HECW2: variants seen among roughly 807,000 people sequenced by gnomAD.
HECW2 encodes the protein HECT, C2 and WW domain containing E3 ubiquitin protein ligase 2, also known as E3 ubiquitin-protein ligase HECW2.
A neutral mutation model predicts 175.2 loss-of-function variants in HECW2; 61 were observed. That is an observed-to-expected ratio of 0.35 (90% CI 0.28 to 0.43). The LOEUF is 0.43. Ranked by LOEUF, HECW2 falls within the 20% of genes least tolerant of loss-of-function variation. The pLI is 1.00. For missense variants in HECW2, 1,524 were observed against 2,000.5 expected, an observed-to-expected ratio of 0.76 and a Z score of 4.54; for synonymous variants, 671 against 731.0, an observed-to-expected ratio of 0.92 and a Z score of 1.32.
intron 21 of HECW2, chr2:196,238,798 AC>A (rs1475234472): frequency 6.6e-6 from 1 of 152,228 alleles, no homozygotes; most frequent in Non-Finnish European, 1.5e-5. Context: ...AGCCCCACTC[AC>A]CCTGGACCTC....
intron 1 of HECW2, among the ~76,000 whole-genome samples, chr2:196,566,557 A>T (rs1690195975): frequency 6.7e-6 from 1 of 150,226 alleles, no homozygotes; most frequent in Admixed American, 6.6e-5. Flanking sequence ...TTGAAATGGA[A>T]TCTCGTTCTT....
chr2:196,492,743 CAAGT>C (rs1169736933), intron 1 of HECW2, among the ~76,000 whole-genome samples: 4 of 152,170 alleles, frequency 2.6e-5, no homozygotes, highest in Admixed American at 1.3e-4. Context: ...TCAGTAGTGG[CAAGT>C]AAGTGTTGTC....
intron 2 of HECW2, among the ~76,000 whole-genome samples, chr2:196,412,050 G>A (rs1262535806): frequency 3.3e-5 from 5 of 151,982 alleles, no homozygotes; most frequent in South Asian, 4.2e-4. Flanking sequence ...AAAATTACAC[G>A]GGAAGATCTT....
chr2:196,204,201 A>C (rs1304268370), intron 28 of HECW2, among the ~76,000 whole-genome samples: 1 of 152,038 alleles, frequency 6.6e-6, no homozygotes, highest in East Asian at 1.9e-4. Context: ...CCTCCTTTTC[A>C]ATTTTTTGGG....
chr2:196,325,150 C>A lies in HECW2; in HGVS notation c.572-1G>T. 1 of 1,569,028 alleles carries A rather than the reference C, an allele frequency of 6.4e-7. No individual in the cohort carries two copies. Among genetic ancestry groups the A allele is most frequent in the Non-Finnish European group, 8.6e-7 (1 of 1,159,268 alleles). ...TTCTTTAGCCCAACTGCCCTAAGAT[C>A]TTTAAAGAAAGAGGGAGAAGGAGGG... On this transcript the variant is annotated splice_acceptor_variant, in intron 5 of 28. Coordinates refer to ENST00000644978, the MANE Select transcript of HECW2 (RefSeq NM_001348768.2). LOFTEE classifies it high-confidence loss of function.
chr2:196,586,634 T>C (rs1179726219), intron 1 of HECW2: 1 of 151,852 alleles, frequency 6.6e-6, no homozygotes, highest in Non-Finnish European at 1.5e-5. Context: ...TCTTTCTAAG[T>C]ACAACTCCTT....
rs377655962 is a variant in HECW2 at position 196,318,172 on chromosome 2, T to C, written c.2338+380A>G. ...GAGACCCATTATTTAAGTTTGAAGA[T>C]TGCTGTTTAACAGGCCTGTTACTTC... is the stretch of plus-strand genomic sequence containing the variant. On this transcript the variant is annotated intron_variant, in intron 9 of 28. Coordinates refer to ENST00000644978, the MANE Select transcript of HECW2 (RefSeq NM_001348768.2). Among the ~76,000 whole-genome samples, 376 of 152,336 alleles carry C rather than the reference T, an allele frequency of 2.5e-3. 1 individual carries two copies. The highest frequency in any genetic ancestry group is 3.0e-3 in the Non-Finnish European group (205 of 68,028).
intron 1 of HECW2, among the ~76,000 whole-genome samples, chr2:196,578,831 T>TCATCCCC (rs1690657460): frequency 6.6e-6 from 1 of 152,040 alleles, no homozygotes; most frequent in Non-Finnish European, 1.5e-5. Flanking sequence ...CACCATCACA[T>TCATCCCC]CCTACAAGAA....
intron 1 of HECW2, among the ~76,000 whole-genome samples, chr2:196,488,319 A>G (rs1687074732): frequency 6.6e-6 from 1 of 152,178 alleles, no homozygotes; most frequent in Admixed American, 6.5e-5. Flanking sequence ...TTTCTGACAA[A>G]TATTTCCACC....
At chr2:196,367,895 T>C (rs1693791269) in intron 2 of HECW2, among the ~76,000 whole-genome samples, 1 of 151,522 alleles carries the variant, frequency 6.6e-6, no homozygotes, top group African/African-American at 2.4e-5. Flanking sequence ...TGTGTGTGTA[T>C]GGTACATAGA....
chr2:196,428,934 C>T (rs1695625813), intron 2 of HECW2, among the ~76,000 whole-genome samples: 1 of 152,196 alleles, frequency 6.6e-6, no homozygotes, highest in African/African-American at 2.4e-5. Context: ...ATAACATGAA[C>T]TTCAGAGTGC....
At chr2:196,395,038 A>G (rs1000158601) in intron 2 of HECW2, among the ~76,000 whole-genome samples, 2 of 152,124 alleles carry the variant, frequency 1.3e-5, no homozygotes, top group Non-Finnish European at 2.9e-5. Flanking sequence ...GGTCTTTTTC[A>G]TAAGGGCACT....
chr2:196,466,503 C>G (rs551182386), intron 1 of HECW2, among the ~76,000 whole-genome samples: 1 of 152,284 alleles, frequency 6.6e-6, no homozygotes, highest in East Asian at 1.9e-4. Context: ...ATAGCTTTCC[C>G]AGCCCTCAGG....
intron 2 of HECW2, among the ~76,000 whole-genome samples, chr2:196,371,046 T>G (rs560328001): frequency 6.6e-6 from 1 of 151,958 alleles, no homozygotes; most frequent in East Asian, 1.9e-4. Context: ...GTGTGGAGAG[T>G]CGTTCAATTT....
At chr2:196,364,518 T>A (rs2105890503) in intron 2 of HECW2, among the ~76,000 whole-genome samples, 1 of 152,330 alleles carries the variant, frequency 6.6e-6, no homozygotes, top group South Asian at 2.1e-4. Flanking sequence ...AATTCACATA[T>A]GCTTTCCCTT....
At chr2:196,202,096 A>G (rs1686879070) in intron 28 of HECW2, among the ~76,000 whole-genome samples, 1 of 152,216 alleles carries the variant, frequency 6.6e-6, no homozygotes, top group Non-Finnish European at 1.5e-5. Flanking sequence ...AATCACAATA[A>G]AAAATAGACA....
At chr2:196,290,653 A>G (rs1045570616) in intron 14 of HECW2, 1 of 152,226 alleles carries the variant, frequency 6.6e-6, no homozygotes, top group African/African-American at 2.4e-5. Flanking sequence ...ATACCCAGGT[A>G]TAATACTACC....
intron 1 of HECW2, among the ~76,000 whole-genome samples, chr2:196,469,152 A>G (rs1559129350): frequency 8.0e-6 from 1 of 125,260 alleles, no homozygotes; most frequent in Non-Finnish European, 1.8e-5. Context: ...TGTGTGTGTA[A>G]ATAAGTGAAA....
At chr2:196,563,225 T>C (rs2375943) in intron 1 of HECW2, among the ~76,000 whole-genome samples, 7,683 of 152,238 alleles carry the variant, frequency 0.05, 640 homozygotes, top group African/African-American at 0.17. Context: ...ACTTTTACTG[T>C]TTTATTATAA....
Sources: allele counts gnomAD v4.1 joint callset (sites outside exome capture counted in the v4.1 genomes callset), GRCh38; gene constraint gnomAD v4.1.1; transcripts MANE v1.5; gene names NCBI Gene and HGNC (gene_info 2026-07-23, HGNC 2026-07-21).